The following UNC13C variants were observed in gnomAD, a reference collection of about 807,000 sequenced individuals.
UNC13C encodes protein unc-13 homolog C.
In UNC13C, 174 loss-of-function variants were observed where a neutral mutation model predicts 245.4. The ratio of observed to expected loss-of-function variants is 0.71; its 90% CI spans 0.63 to 0.80. UNC13C has a LOEUF of 0.80. UNC13C is among the 30% of genes least tolerant of loss of function. The pLI is 0.00. For missense variants in UNC13C, 2,829 were observed against 2,602.9 expected, an observed-to-expected ratio of 1.09 and a Z score of -1.89; for synonymous variants, 992 against 895.1, an observed-to-expected ratio of 1.11 and a Z score of -1.93.
rs191747433 is a variant in UNC13C at position 54,162,375 on chromosome 15, G to T, written c.3071+18691G>T. On this transcript the variant is annotated intron_variant, in intron 4 of 32. Coordinates refer to ENST00000260323, the MANE Select transcript of UNC13C (RefSeq NM_001080534.3). ...TTGTGACACTATGCAATCATGGATA[G>T]ACAGACCAGAAGGCATTCAAAGAGA... 2.1e-3 allele frequency among the ~76,000 whole-genome samples: 325 copies of T among 152,228 alleles called. 1 individual carries two copies. The highest frequency in any genetic ancestry group is 7.7e-3 in the African/African-American group (318 of 41,546).
intron 17 of UNC13C, among the ~76,000 whole-genome samples, chr15:54,376,199 A>G (rs569479532): frequency 1.8e-4 from 28 of 152,282 alleles, no homozygotes; most frequent in African/African-American, 5.8e-4. Flanking sequence ...TAGGAATTCA[A>G]GGATTGAATA....
At chr15:54,618,495 C>T (rs556837331) in intron 30 of UNC13C, among the ~76,000 whole-genome samples, 19 of 152,252 alleles carry the variant, frequency 1.2e-4, no homozygotes, top group African/African-American at 4.6e-4. Context: ...AGATTATTTC[C>T]ATATTCAAAT....
intron 17 of UNC13C, among the ~76,000 whole-genome samples, chr15:54,389,978 C>G (rs12912930): frequency 6.6e-6 from 1 of 152,136 alleles, no homozygotes; most frequent in African/African-American, 2.4e-5. Context: ...ATCCACCTAC[C>G]TCAGCCTCCC....
intron 30 of UNC13C, among the ~76,000 whole-genome samples, chr15:54,573,589 G>A (rs530845312): frequency 8.5e-5 from 13 of 152,192 alleles, no homozygotes; most frequent in Non-Finnish European, 1.6e-4. Flanking sequence ...TCTGGGCTAA[G>A]TTTCATACAG....
chr15:54,072,974 T>G (rs1898404146), intron 2 of UNC13C, among the ~76,000 whole-genome samples: 3 of 152,144 alleles, frequency 2.0e-5, no homozygotes, highest in African/African-American at 7.2e-5. Context: ...GGTGGTTTGC[T>G]GCACCCATTA....
At chr15:54,502,855 C>T (rs1454948826) in intron 22 of UNC13C, among the ~76,000 whole-genome samples, 21 of 152,066 alleles carry the variant, frequency 1.4e-4, no homozygotes, top group Non-Finnish European at 1.5e-5. Context: ...CATGAGTGCA[C>T]GGTAACAGAG....
intron 4 of UNC13C, among the ~76,000 whole-genome samples, chr15:54,166,991 AC>A (rs1322693916): frequency 1.3e-5 from 2 of 152,334 alleles, no homozygotes; most frequent in East Asian, 3.9e-4. Flanking sequence ...TCTAAAATTT[AC>A]ATGGAAATAT....
intron 12 of UNC13C, 123 bp downstream of exon 12, chr15:54,298,049 ATAC>A: frequency 1.5e-6 from 1 of 679,240 alleles, no homozygotes; most frequent in Non-Finnish European, 2.5e-6. Context: ...TTCTGACTCT[ATAC>A]TACAGCAGGT....
the UNC13C span, among the ~76,000 whole-genome samples, chr15:53,892,795 T>A: frequency 6.6e-6 from 1 of 152,186 alleles, no homozygotes; most frequent in African/African-American, 2.4e-5. Context: ...AGTTCTTAGC[T>A]TCCTGGCATT....
chr15:53,968,308 AT>A, the UNC13C span, among the ~76,000 whole-genome samples: 10,221 of 152,232 alleles, frequency 0.067, 436 homozygotes, highest in East Asian at 0.16. Context: ...TCTTAAATGA[AT>A]TTTAAAATGC....
intron 19 of UNC13C, among the ~76,000 whole-genome samples, chr15:54,428,825 T>G (rs1167405192): frequency 4.0e-5 from 6 of 151,628 alleles, no homozygotes; most frequent in East Asian, 2.0e-4. Flanking sequence ...ATTGATAGAT[T>G]GCAAATGTGC....
rs969122805 is a variant in UNC13C at position 54,424,972 on chromosome 15, A to G, written c.4933+9905A>G. 3.3e-5 allele frequency among the ~76,000 whole-genome samples: 5 copies of G among 151,842 alleles called. No homozygotes were observed. In the East Asian group the frequency reaches 5.8e-4, roughly 18 times the overall value. The stretch of plus-strand genomic sequence containing the variant: ...TGGAAGGGTTCTTTAAGAATGCTCC[A>G]AAATGCTGATCTTAGCTTCAAAATG... On this transcript the variant is annotated intron_variant, in intron 19 of 32. Transcript: ENST00000260323.
chr15:54,133,981 A>G (rs1245870768), intron 2 of UNC13C, among the ~76,000 whole-genome samples: 1 of 152,154 alleles, frequency 6.6e-6, no homozygotes, highest in Non-Finnish European at 1.5e-5. Context: ...ATGATTTGAT[A>G]TTCATATACA....
At chr15:54,114,013 C>A (rs1356284966) in intron 2 of UNC13C, among the ~76,000 whole-genome samples, 1 of 152,166 alleles carries the variant, frequency 6.6e-6, no homozygotes, top group African/African-American at 2.4e-5. Flanking sequence ...TGCATTTACT[C>A]AGGGTCTTCC....
At chr15:53,964,513 A>G in the UNC13C span, among the ~76,000 whole-genome samples, 5 of 152,204 alleles carry the variant, frequency 3.3e-5, no homozygotes, top group East Asian at 9.6e-4. Flanking sequence ...TACTCTAAGG[A>G]CATGTAATAT....
intron 2 of UNC13C, among the ~76,000 whole-genome samples, chr15:54,108,355 T>C (rs1036264161): frequency 7.9e-5 from 12 of 151,866 alleles, no homozygotes; most frequent in Non-Finnish European, 1.8e-4. Context: ...CCTGGCTAAT[T>C]TTTTTGTATT....
chr15:54,326,577 A>G (rs147046141), intron 14 of UNC13C, among the ~76,000 whole-genome samples: 2 of 152,136 alleles, frequency 1.3e-5, no homozygotes, highest in Non-Finnish European at 2.9e-5. Context: ...GTGATTTGCC[A>G]TTAGCTCTAG....
intron 4 of UNC13C, among the ~76,000 whole-genome samples, chr15:54,159,706 A>G (rs969410436): frequency 2.0e-5 from 3 of 152,206 alleles, no homozygotes; most frequent in Middle Eastern, 3.2e-3. Context: ...TAATACTGGC[A>G]CAAAAGGATT....
chr15:54,043,792 T>C (rs1285139112), intron 2 of UNC13C, among the ~76,000 whole-genome samples: 1 of 152,230 alleles, frequency 6.6e-6, no homozygotes, highest in Admixed American at 6.5e-5. Context: ...TTACATACTC[T>C]TGGGTCCTGG....
Sources: gnomAD v4.1 joint callset for allele counts (sites outside exome capture counted in the v4.1 genomes callset) on GRCh38, gnomAD v4.1.1 for gene constraint, MANE v1.5 for transcripts, NCBI Gene and HGNC (gene_info 2026-07-23, HGNC 2026-07-21) for gene names.